The following DMD variants were observed in gnomAD, a reference collection of about 807,000 sequenced individuals.
DMD encodes the protein dystrophin.
DMD carries 63 observed loss-of-function variants against 330.1 expected under a neutral mutation model. That is an observed-to-expected ratio of 0.19 (90% CI 0.16 to 0.24). DMD has a LOEUF of 0.24. Ranked by LOEUF, DMD falls within the 10% of genes least tolerant of loss-of-function variation. DMD has a pLI of 1.00. For missense variants in DMD, 3,344 were observed against 2,684.1 expected, an observed-to-expected ratio of 1.25 and a Z score of -5.43; for synonymous variants, 1,223 against 959.8, an observed-to-expected ratio of 1.27 and a Z score of -5.07.
In DMD at chrX:32,504,761, G is replaced by T. The variant is rs1385903804; in HGVS notation, c.2293-2919C>A. ...AAGAAACACTGCGGACTACTAGAGT[G>T]GGGAGGGAGTGAGGGGAAAAGGTCC... is the stretch of plus-strand genomic sequence containing the variant. On this transcript the variant is annotated intron_variant, in intron 18 of 78. Coordinates refer to ENST00000357033, the MANE Select transcript of DMD (RefSeq NM_004006.3). Among the ~76,000 whole-genome samples, 3 of 111,556 alleles carry T rather than the reference G, an allele frequency of 2.7e-5. No homozygotes were observed. The East Asian group carries it at 8.4e-4, about 31-fold the overall frequency.
intron 1 of DMD, among the ~76,000 whole-genome samples, chrX:33,336,990 A>G (rs2148968671): frequency 9.0e-6 from 1 of 111,683 alleles, no homozygotes; most frequent in East Asian, 2.8e-4. Flanking sequence ...GGTGCCACCT[A>G]GCGTCTGTCC....
At chrX:32,331,143 G>T (rs1162749181) in intron 41 of DMD, among the ~76,000 whole-genome samples, 1 of 111,568 alleles carries the variant, frequency 9.0e-6, no homozygotes, top group African/African-American at 3.3e-5. Context: ...ACTTCATAAT[G>T]CGGAATGACT....
intron 7 of DMD, among the ~76,000 whole-genome samples, chrX:32,780,321 T>A (rs758184513): frequency 8.9e-6 from 1 of 112,414 alleles, no homozygotes; most frequent in South Asian, 3.6e-4. Flanking sequence ...TTAGTTCATT[T>A]TATGAGACGT....
chrX:32,922,460 T>C (rs1476005622), intron 2 of DMD, among the ~76,000 whole-genome samples: 3 of 112,135 alleles, frequency 2.7e-5, no homozygotes, highest in African/African-American at 9.7e-5. Context: ...CCAACCTTTT[T>C]AGCACCAGGG....
intron 60 of DMD, among the ~76,000 whole-genome samples, chrX:31,440,362 C>T (rs1309420256): frequency 9.1e-6 from 1 of 110,384 alleles, no homozygotes; most frequent in African/African-American, 3.3e-5. Context: ...TTGGCCAGGC[C>T]GGTCTTGAAC....
In DMD at chrX:31,967,022, T is replaced by C. The variant is rs1480802683; in HGVS notation, c.6614+1317A>G. ...TTTCTCATTTCTTACCATCTTAATT[T>C]GGATTAGATTGAGCCTAGTTCAGAA... On this transcript the variant is annotated intron_variant, in intron 45 of 78. Coordinates refer to ENST00000357033, the MANE Select transcript of DMD (RefSeq NM_004006.3). Among the ~76,000 whole-genome samples, 3 of 110,340 alleles carry C rather than the reference T, an allele frequency of 2.7e-5. No individual in the cohort carries two copies. The Admixed American group carries it at 2.9e-4, about 11-fold the overall frequency.
In DMD at chrX:31,938,756, C is replaced by CT. The variant is rs2094955658; in HGVS notation, c.6615-6530dup. ...TTATGTTATGTAAAGACAGCTTTAT[C>CT]TTTTTTCTGTGCCATATGTCCATGA... is the stretch of plus-strand genomic sequence containing the variant. On this transcript the variant is annotated intron_variant, in intron 45 of 78. Coordinates refer to ENST00000357033, the MANE Select transcript of DMD (RefSeq NM_004006.3). Among the ~76,000 whole-genome samples the CT allele has an allele frequency of 5.4e-5, 6 of 111,945 alleles. No individual in the cohort carries two copies. In the South Asian group the frequency reaches 1.5e-3, roughly 28 times the overall value.
chrX:32,837,683 G>C (rs2079777330), intron 4 of DMD, among the ~76,000 whole-genome samples: 1 of 111,469 alleles, frequency 9.0e-6, no homozygotes, highest in South Asian at 3.7e-4. Context: ...TAATACACTT[G>C]ACTTCACAAG....
chrX:32,335,399 T>A (rs1022068266), intron 41 of DMD, among the ~76,000 whole-genome samples: 2 of 104,859 alleles, frequency 1.9e-5, no homozygotes, highest in African/African-American at 3.4e-5. Context: ...AATACATATA[T>A]ATAACATATA....
At chrX:32,520,110 T>A (rs1006458994) in intron 17 of DMD, among the ~76,000 whole-genome samples, 6 of 112,120 alleles carry the variant, frequency 5.4e-5, no homozygotes, top group Admixed American at 1.9e-4. Context: ...CAGTAAGTTA[T>A]CTGTGTATGC....
chrX:33,240,941 GATCT>G (rs1160523155), intron 1 of DMD, among the ~76,000 whole-genome samples: 2 of 111,895 alleles, frequency 1.8e-5, no homozygotes. Context: ...TTGAGTTACT[GATCT>G]ATTTTGGCTA....
At chrX:31,768,027 T>C (rs73213853) in intron 51 of DMD, among the ~76,000 whole-genome samples, 11,886 of 111,031 alleles carry the variant, frequency 0.11, 503 homozygotes, top group Non-Finnish European at 0.13. Flanking sequence ...CTTGTCCAGA[T>C]TGGCCAATTT....
At chrX:32,751,767 TG>T (rs2070848439) in intron 7 of DMD, among the ~76,000 whole-genome samples, 1 of 112,131 alleles carries the variant, frequency 8.9e-6, no homozygotes, top group Non-Finnish European at 1.9e-5. Flanking sequence ...AAAATGGTTT[TG>T]TGGGCTAGGC....
chrX:33,156,683 T>C (rs909514254), intron 1 of DMD, among the ~76,000 whole-genome samples: 4 of 112,137 alleles, frequency 3.6e-5, no homozygotes, highest in Non-Finnish European at 7.5e-5. Context: ...TCTTTGTGTA[T>C]TTTCATACTC....
chrX:31,142,365 A>G (rs150357241), intron 76 of DMD, among the ~76,000 whole-genome samples: 2,273 of 112,050 alleles, frequency 0.02, 60 homozygotes, highest in African/African-American at 0.069. Context: ...ATGATTAAAT[A>G]TGCACATAAA....
intron 60 of DMD, among the ~76,000 whole-genome samples, chrX:31,381,757 G>A (rs1238630812): frequency 2.7e-5 from 3 of 111,905 alleles, no homozygotes; most frequent in Non-Finnish European, 5.6e-5. Context: ...TATAGTACAA[G>A]CCACTAGCCT....
chrX:31,516,277 G>A (rs1350326252), intron 55 of DMD, among the ~76,000 whole-genome samples: 10 of 53,873 alleles, frequency 1.9e-4, no homozygotes, highest in African/African-American at 4.1e-4. Context: ...TAAAACAAGC[G>A]CAAAAAAAAA....
chrX:32,836,405 T>C lies in DMD; in HGVS notation c.264+8378A>G, dbSNP rs1190728615. 3.6e-5 allele frequency among the ~76,000 whole-genome samples: 4 copies of C among 111,322 alleles called. No individual in the cohort carries two copies. In the Admixed American group the frequency reaches 3.9e-4, roughly 11 times the overall value. ...CGTTTTTGGTTTCTATATCTCATAC[T>C]TAATATTTCCCTTCCATTTTTAAAC... On this transcript the variant is annotated intron_variant, in intron 4 of 78. Coordinates refer to ENST00000357033, the MANE Select transcript of DMD (RefSeq NM_004006.3).
At chrX:32,237,574 C>T (rs1184371638) in intron 43 of DMD, among the ~76,000 whole-genome samples, 1 of 111,298 alleles carries the variant, frequency 9.0e-6, no homozygotes, top group Non-Finnish European at 1.9e-5. Flanking sequence ...AATTCTCTTA[C>T]CTCTCTTAAA....
Sources: allele counts gnomAD v4.1 joint callset (sites outside exome capture counted in the v4.1 genomes callset), GRCh38; gene constraint gnomAD v4.1.1; transcripts MANE v1.5; gene names NCBI Gene and HGNC (gene_info 2026-07-23, HGNC 2026-07-21).